Variants in SPATA25 observed in about 807,000 individuals in gnomAD.
SPATA25 encodes spermatogenesis associated 25.
In SPATA25, 16 loss-of-function variants were observed where a neutral mutation model predicts 16.0. That is an observed-to-expected ratio of 1.00 (90% CI 0.68 to 1.52). SPATA25 has a LOEUF of 1.52. SPATA25 is among the 40% of genes most tolerant of loss of function. The pLI is 0.00. For synonymous variants in SPATA25, 115 were observed against 118.5 expected (o/e 0.97, Z 0.19); for missense variants, 285 against 289.2 (o/e 0.99, Z 0.11).
At chr20:45,889,773 C>G (rs1986660794), upstream of SPATA25, among the ~76,000 whole-genome samples, 1 of 152,154 alleles carries the variant, frequency 6.6e-6, no homozygotes, top group African/African-American at 2.4e-5. Context: ...GCCACCACAC[C>G]CAGCTACTTT....
At position 45,887,036 on chromosome 20, in the gene SPATA25, T is replaced by G. The variant is rs780206703; in HGVS notation, c.165A>C (p.Ala55=). 1.9e-6 allele frequency: 3 copies of G among 1,611,882 alleles called. 1 individual carries two copies. The highest frequency in any genetic ancestry group is 2.5e-6 in the Non-Finnish European group (3 of 1,180,004). The part of the protein sequence containing the change: ...GPLSQKAEQV[A]PAAQAWGPAL... ...CTGGGCCCCAGGCCTGGGCAGCAGG[T>G]GCCACCTGCTCAGCTTTCTGGCTCA... The change falls in exon 2 of 2, where the codon GCA becomes GCC. Residue 55 remains alanine, a synonymous_variant. Transcript: ENST00000372519.
upstream of SPATA25, chr20:45,890,950 C>A: frequency 6.6e-7 from 1 of 1,513,384 alleles, no homozygotes; most frequent in African/African-American, 1.4e-5. Context: ...GCTCGAGTCC[C>A]CAGAGTGCAC....
chr20:45,887,002 T>A lies in SPATA25; in HGVS notation c.199A>T (p.Met67Leu), dbSNP rs148222282. 15 of 1,613,508 alleles carry A rather than the reference T, an allele frequency of 9.3e-6. No individual in the cohort carries two copies. The highest frequency in any genetic ancestry group is 1.6e-4 in the Middle Eastern group (1 of 6,082). The change falls in exon 2 of 2, where the codon ATG becomes TTG. Residue 67 changes from methionine (M) to leucine (L), a missense_variant. By Grantham distance (15) the Met-to-Leu change is conservative. Coordinates refer to ENST00000372519, the MANE Select transcript of SPATA25 (RefSeq NM_080608.4). ...CCAGGGCAGCCCCTGGCTTGTGGCA[T>A]TGCCAGGGCTGGGCCCCAGGCCTGG... ...AAQAWGPALA[M>L]PQARGCPGGT... is the part of the protein sequence containing the mutation.
chr20:45,890,013 T>C (rs1986673330), upstream of SPATA25: 1 of 579,824 alleles, frequency 1.7e-6, no homozygotes, highest in Admixed American at 3.2e-5. Flanking sequence ...GGAAACACTA[T>C]CAAAACTAAA....
upstream of SPATA25, chr20:45,890,707 G>A: frequency 1.2e-6 from 2 of 1,613,732 alleles, no homozygotes; most frequent in Non-Finnish European, 1.7e-6. Context: ...ACTCGGGAAC[G>A]GGGGCCAGAC....
chr20:45,886,967 G>T lies in SPATA25; in HGVS notation c.234C>A (p.Ser78Arg). 6.2e-7 allele frequency: 1 copy of T among 1,613,992 alleles called. No homozygotes were observed. The change falls in exon 2 of 2, where the codon AGC becomes AGA. Residue 78 changes from serine (S) to arginine (R), a missense_variant. Ser to Arg is a moderately radical substitution (Grantham distance 110). Transcript: ENST00000372519. ...TGTATTCCTTCCGTAGTGTCTCCCA[G>T]CTAGTCCCCCCAGGGCAGCCCCTGG... ...PQARGCPGGT[S>R]WETLRKEYSR...
At chr20:45,888,343 G>A (rs1986560671), upstream of SPATA25, among the ~76,000 whole-genome samples, 2 of 152,172 alleles carry the variant, frequency 1.3e-5, no homozygotes, top group Admixed American at 1.3e-4. Flanking sequence ...TATAATATAT[G>A]ACAAAGTTGG....
At chr20:45,890,656 G>T, upstream of SPATA25, 2 of 1,613,544 alleles carry the variant, frequency 1.2e-6, no homozygotes, top group Non-Finnish European at 1.7e-6. Context: ...TGATGGCGAA[G>T]ACCCAGGTGT....
chr20:45,887,218 G>A, intron 1 of SPATA25, 73 bp from the exon 2 acceptor site: 1 of 1,510,056 alleles, frequency 6.6e-7, no homozygotes, highest in Non-Finnish European at 8.8e-7. Flanking sequence ...GCAGGGCATG[G>A]GAGCAGAGCT....
upstream of SPATA25, chr20:45,890,900 C>T: frequency 6.4e-7 from 1 of 1,559,270 alleles, no homozygotes; most frequent in Non-Finnish European, 8.7e-7. Context: ...GATGTTGGCA[C>T]CGTGCACCCG....
At chr20:45,890,475 C>G (rs763893268), upstream of SPATA25, 12 of 1,600,158 alleles carry the variant, frequency 7.5e-6, no homozygotes, top group African/African-American at 1.6e-4. Context: ...TAGAGCTGGT[C>G]CAAGAGATGG....
At chr20:45,888,581 T>C, upstream of SPATA25, 1 of 621,380 alleles carries the variant, frequency 1.6e-6, no homozygotes, top group Non-Finnish European at 2.8e-6. Flanking sequence ...CCTGCAGTGA[T>C]TCTAAACGAA....
chr20:45,890,981 G>A, upstream of SPATA25: 1 of 1,490,178 alleles, frequency 6.7e-7, no homozygotes, highest in Non-Finnish European at 8.9e-7. Context: ...GGGCTCGGAG[G>A]CAGCAGCCAT....
Position 45,886,948 on chromosome 20 carries a change from C to A in SPATA25, c.253G>T (p.Glu85Ter), listed in dbSNP as rs757499929. The change falls in exon 2 of 2, where the codon GAA becomes TAA. Residue 85 changes from glutamate to a stop codon, truncating the protein, a stop_gained. Coordinates refer to ENST00000372519, the MANE Select transcript of SPATA25 (RefSeq NM_080608.4). LOFTEE classifies it high-confidence loss of function. ...AATTTGTGGCAGTTTCGGCTGTATT[C>A]CTTCCGTAGTGTCTCCCAGCTAGTC... is the stretch of plus-strand genomic sequence containing the variant. ...GGTSWETLRK[E>*]YSRNCHKFPH... 1 of 1,614,056 alleles carries A rather than the reference C, an allele frequency of 6.2e-7. No individual in the cohort carries two copies. The highest frequency in any genetic ancestry group is 8.5e-7 in the Non-Finnish European group (1 of 1,180,032).
In SPATA25 at chr20:45,887,053, T is replaced by C; in HGVS notation, c.148A>G (p.Lys50Glu). 1.9e-6 allele frequency: 3 copies of C among 1,610,028 alleles called. No homozygotes were observed. Among genetic ancestry groups the C allele is most frequent in the Non-Finnish European group, 2.5e-6 (3 of 1,179,988 alleles). ...ASGGTGPLSQ[K>E]AEQVAPAAQA... ...GCAGCAGGTGCCACCTGCTCAGCTT[T>C]CTGGCTCAGTGGGCCTGTTCCACCA... Residue 50 changes from lysine (K) to glutamate (E), a missense_variant, in exon 2 of 2, where the codon AAA becomes GAA. Transcript: ENST00000372519.
At chr20:45,890,770 C>T, upstream of SPATA25, 2 of 1,610,332 alleles carry the variant, frequency 1.2e-6, no homozygotes, top group East Asian at 4.5e-5. Flanking sequence ...ACCAGCCCAG[C>T]TCTTTCTCCT....
upstream of SPATA25, chr20:45,890,581 T>G: frequency 1.9e-6 from 3 of 1,612,112 alleles, no homozygotes; most frequent in Non-Finnish European, 2.5e-6. Flanking sequence ...GGGTTGGAGG[T>G]CGGCTGGGGG....
upstream of SPATA25, chr20:45,890,113 G>A (rs1986678777): frequency 1.1e-6 from 1 of 899,832 alleles, no homozygotes; most frequent in Middle Eastern, 2.6e-4. Flanking sequence ...CACAAGCAGA[G>A]GTGCAATTTG....
rs1363288974 is a variant in SPATA25 at position 45,887,609 on chromosome 20, G to T, written c.-19C>A. On this transcript the variant is annotated 5_prime_UTR_variant, in exon 1 of 2. Transcript: ENST00000372519. ...AGGACATGGCTTCCCCAAAGCCCCGGTTTGTGAGGGAATAGTGATCTGCCG... is the reference window on the plus strand; with the variant it reads ...AGGACATGGCTTCCCCAAAGCCCCGTTTTGTGAGGGAATAGTGATCTGCCG... The T allele has an allele frequency of 6.2e-7, 1 of 1,612,306 alleles. No homozygotes were observed. The highest frequency in any genetic ancestry group is 1.3e-5 in the African/African-American group (1 of 75,014).
Sources: allele counts gnomAD v4.1 joint callset (sites outside exome capture counted in the v4.1 genomes callset), GRCh38; gene constraint gnomAD v4.1.1; transcripts MANE v1.5; gene names NCBI Gene and HGNC (gene_info 2026-07-23, HGNC 2026-07-21).